The following SP4 variants were observed in gnomAD, a reference collection of about 807,000 sequenced individuals.
SP4 encodes the protein transcription factor Sp4.
In SP4, 19 loss-of-function variants were observed where a neutral mutation model predicts 72.8. The observed-to-expected ratio is 0.26, with a 90% CI of 0.18 to 0.38. SP4 has a LOEUF of 0.38. SP4 is among the 10% of genes least tolerant of loss of function. The probability of loss-of-function intolerance (pLI) is 1.00; values close to 1 mark genes in which losing one functional copy is unlikely to be tolerated. For missense variants in SP4, 1,008 were observed against 926.3 expected, an observed-to-expected ratio of 1.09 and a Z score of -1.14; for synonymous variants, 395 against 333.1, an observed-to-expected ratio of 1.19 and a Z score of -2.02.
At chr7:21,428,626 TAATC>T (rs1782712141) in intron 1 of SP4, 47 bp from the exon 2 acceptor site, 1 of 1,470,816 alleles carries the variant, frequency 6.8e-7, no homozygotes, top group African/African-American at 1.4e-5. Flanking sequence ...CGAATAATAA[TAATC>T]CTAATAACCT....
rs150765040 is a variant in SP4 at position 21,451,149 on chromosome 7, G to C, written c.1678+20306G>C. Among the ~76,000 whole-genome samples, 227 of 152,304 alleles carry C rather than the reference G, an allele frequency of 1.5e-3. 1 individual carries two copies. Among genetic ancestry groups the C allele is most frequent in the African/African-American group, 5.3e-3 (222 of 41,576 alleles). On this transcript the variant is annotated intron_variant, in intron 3 of 5. Transcript: ENST00000222584. Reference sequence around the variant, plus strand: ...AGTTTTATGCATGCTCTCTTGAGCTGTTTTTTCCCTTACCAGTCTAGTGCT... The same window carrying C: ...AGTTTTATGCATGCTCTCTTGAGCTCTTTTTTCCCTTACCAGTCTAGTGCT...
intron 5 of SP4, among the ~76,000 whole-genome samples, chr7:21,485,838 G>A (rs1311149896): frequency 6.6e-6 from 1 of 151,844 alleles, no homozygotes; most frequent in Non-Finnish European, 1.5e-5. Flanking sequence ...TCTTTCTAAT[G>A]AACATGAACA....
intron 5 of SP4, among the ~76,000 whole-genome samples, chr7:21,499,798 T>C (rs1025864588): frequency 1.3e-5 from 2 of 152,206 alleles, no homozygotes; most frequent in Admixed American, 6.5e-5. Flanking sequence ...GCATTAGTAA[T>C]TTAAAAAGTA....
At chr7:21,456,137 G>A (rs188124800) in intron 3 of SP4, among the ~76,000 whole-genome samples, 171 of 152,290 alleles carry the variant, frequency 1.1e-3, no homozygotes, top group African/African-American at 4.0e-3. Flanking sequence ...TGACCTAAAG[G>A]AGGAACCTCT....
At chr7:21,481,599 T>C (rs1390548429) in intron 4 of SP4, among the ~76,000 whole-genome samples, 1 of 152,196 alleles carries the variant, frequency 6.6e-6, no homozygotes, top group Admixed American at 6.5e-5. Context: ...AGCCATCCTT[T>C]TGAAATTTTA....
At chr7:21,492,191 C>G (rs1293245821) in intron 5 of SP4, among the ~76,000 whole-genome samples, 1 of 152,086 alleles carries the variant, frequency 6.6e-6, no homozygotes, top group Non-Finnish European at 1.5e-5. Flanking sequence ...TTGTTTTACT[C>G]TGATAATATA....
At chr7:21,459,314 T>C (rs974464257) in intron 3 of SP4, among the ~76,000 whole-genome samples, 1 of 152,068 alleles carries the variant, frequency 6.6e-6, no homozygotes, top group African/African-American at 2.4e-5. Context: ...AGAGACAGGG[T>C]TTCACTGTGT....
chr7:21,492,513 G>T (rs538343456), intron 5 of SP4, among the ~76,000 whole-genome samples: 5 of 151,922 alleles, frequency 3.3e-5, no homozygotes, highest in East Asian at 3.9e-4. Flanking sequence ...CAAAAATCTG[G>T]GAAAAAAATC....
chr7:21,487,447 A>G (rs1180268407), intron 5 of SP4, among the ~76,000 whole-genome samples: 3 of 93,496 alleles, frequency 3.2e-5, no homozygotes, highest in Non-Finnish European at 6.6e-5. Flanking sequence ...TTTTTCTCTT[A>G]TATCTTTTGT....
At position 21,461,741 on chromosome 7, in the gene SP4, G is replaced by A. The variant is rs1225397824; in HGVS notation, c.1679-15338G>A. Reference sequence around the variant, plus strand: ...CTCCTCAAGCGCAGCCAGAATGGGCGCCGAGGCCGAGGAGGCACCGAGAGT... The same window carrying A: ...CTCCTCAAGCGCAGCCAGAATGGGCACCGAGGCCGAGGAGGCACCGAGAGT... On this transcript the variant is annotated intron_variant, in intron 3 of 5. Coordinates refer to ENST00000222584, the MANE Select transcript of SP4 (RefSeq NM_003112.5). Among the ~76,000 whole-genome samples the A allele has an allele frequency of 2.6e-5, 4 of 152,320 alleles. No individual in the cohort carries two copies. The South Asian group carries it at 6.2e-4, about 24-fold the overall frequency.
intron 3 of SP4, among the ~76,000 whole-genome samples, chr7:21,444,204 A>G (rs1258876550): frequency 1.3e-5 from 2 of 152,178 alleles, no homozygotes; most frequent in African/African-American, 4.8e-5. Context: ...TGTTCCTTAG[A>G]TGATTGAATA....
At chr7:21,439,082 A>C (rs937284392) in intron 3 of SP4, among the ~76,000 whole-genome samples, 1 of 152,250 alleles carries the variant, frequency 6.6e-6, no homozygotes, top group African/African-American at 2.4e-5. Flanking sequence ...TCAGGGATCC[A>C]GTGGGGGTCT....
chr7:21,474,857 T>C (rs1784449682), intron 3 of SP4, among the ~76,000 whole-genome samples: 1 of 152,202 alleles, frequency 6.6e-6, no homozygotes, highest in Non-Finnish European at 1.5e-5. Context: ...GTATCCTTAC[T>C]AAAACAGTGA....
At chr7:21,432,329 A>G (rs923106107) in intron 3 of SP4, among the ~76,000 whole-genome samples, 1 of 152,202 alleles carries the variant, frequency 6.6e-6, no homozygotes, top group Non-Finnish European at 1.5e-5. Context: ...AACTTTGACA[A>G]TAATTGTAGT....
chr7:21,442,071 T>TTCTG (rs1201177272), intron 3 of SP4, among the ~76,000 whole-genome samples: 1 of 149,312 alleles, frequency 6.7e-6, no homozygotes, highest in Non-Finnish European at 1.5e-5. Context: ...CGGAGTCTTG[T>TTCTG]TCTGTCACCC....
At chr7:21,441,490 GA>G (rs1260448898) in intron 3 of SP4, among the ~76,000 whole-genome samples, 7 of 152,168 alleles carry the variant, frequency 4.6e-5, no homozygotes, top group Admixed American at 3.3e-4. Context: ...TTTGTTTCAA[GA>G]AGAGATTGTG....
Position 21,428,187 on chromosome 7 carries a change from C to CGG in SP4, c.-64_-63insGG. 1 of 563,540 alleles carries CGG rather than the reference C, an allele frequency of 1.8e-6. No individual in the cohort carries two copies. The highest frequency in any genetic ancestry group is 3.3e-6 in the Non-Finnish European group (1 of 305,070). 34.9% of individuals were successfully genotyped at this position (563,540 alleles called of 1,614,324 possible). ...GCGGGACCGGCCTCTCCTCCCGCCT[C>CGG]GCCCCCACCCCCACCCACCTCTATC... On this transcript the variant is annotated 5_prime_UTR_variant, in exon 1 of 6. Coordinates refer to ENST00000222584, the MANE Select transcript of SP4 (RefSeq NM_003112.5).
intron 3 of SP4, among the ~76,000 whole-genome samples, chr7:21,453,652 A>G (rs942761343): frequency 1.3e-5 from 2 of 152,232 alleles, no homozygotes; most frequent in African/African-American, 4.8e-5. Context: ...CCTTATAGAC[A>G]AATCTATTCA....
chr7:21,504,903 C>CA (rs1401845893), intron 5 of SP4, among the ~76,000 whole-genome samples: 3 of 152,286 alleles, frequency 2.0e-5, no homozygotes, highest in South Asian at 4.2e-4. Context: ...AGCTTGGAGG[C>CA]AAAAGCAACA....
Sources: allele counts gnomAD v4.1 joint callset (sites outside exome capture counted in the v4.1 genomes callset), GRCh38; gene constraint gnomAD v4.1.1; transcripts MANE v1.5; gene names NCBI Gene and HGNC (gene_info 2026-07-23, HGNC 2026-07-21).